CPA3: variants seen among roughly 807,000 people sequenced by gnomAD.
CPA3 encodes carboxypeptidase A3.
A neutral mutation model predicts 55.8 loss-of-function variants in CPA3; 52 were observed. The observed-to-expected ratio is 0.93, with a 90% CI of 0.75 to 1.17. The LOEUF (loss-of-function observed/expected upper bound fraction) is 1.17, where lower values mean the gene tolerates loss of function less well. Ranked by LOEUF, CPA3 falls within the 50% of genes most tolerant of loss-of-function variation. CPA3 has a pLI of 0.00. For synonymous variants in CPA3, 179 were observed against 171.2 expected (o/e 1.05, Z -0.36); for missense variants, 547 against 509.1 (o/e 1.07, Z -0.72).
At chr3:148,895,490 C>T (rs1226422603) in intron 10 of CPA3, among the ~76,000 whole-genome samples, 2 of 152,162 alleles carry the variant, frequency 1.3e-5, no homozygotes, top group Non-Finnish European at 2.9e-5. Context: ...GCATATTCTG[C>T]TCTGCCTCTA....
At chr3:148,881,153 CTCTA>C (rs776573531) in intron 6 of CPA3, among the ~76,000 whole-genome samples, 259 of 152,266 alleles carry the variant, frequency 1.7e-3, no homozygotes, top group Admixed American at 4.9e-3. Context: ...TGCTTACAGA[CTCTA>C]TCTATATTTA....
intron 10 of CPA3, among the ~76,000 whole-genome samples, chr3:148,890,299 C>T (rs1291901777): frequency 2.0e-5 from 3 of 152,136 alleles, no homozygotes; most frequent in Non-Finnish European, 4.4e-5. Context: ...ACCTAGTGAG[C>T]AAGAATAGTT....
At position 148,883,764 on chromosome 3, in the gene CPA3, A is replaced by G; in HGVS notation, c.930A>G (p.Leu310=). The part of the protein sequence containing the change: ...YITFHSYSQM[L]LFPYGYTSKL... ...CCTTCCATTCCTACTCCCAGATGCT[A>G]TTGTTTCCCTATGGATATACATCAA... Residue 310 remains leucine, a synonymous_variant, in exon 9 of 11, where the codon CTA becomes CTG. Transcript: ENST00000296046. 6.2e-7 allele frequency: 1 copy of G among 1,614,058 alleles called. No homozygotes were observed. Among genetic ancestry groups the G allele is most frequent in the African/African-American group, 1.3e-5 (1 of 75,030 alleles).
At chr3:148,869,103 G>C (rs1713990048) in intron 3 of CPA3, 64 bp downstream of exon 3, 1 of 1,580,328 alleles carries the variant, frequency 6.3e-7, no homozygotes, top group Non-Finnish European at 8.6e-7. Flanking sequence ...TTGAAGTAGA[G>C]GAAAGTATTA....
At chr3:148,881,040 G>C (rs564675751) in intron 6 of CPA3, among the ~76,000 whole-genome samples, 3 of 151,974 alleles carry the variant, frequency 2.0e-5, no homozygotes, top group Admixed American at 6.6e-5. Flanking sequence ...AAAAAAAAAA[G>C]TTGTTCAATC....
rs754347389 is a variant in CPA3, at chr3:148,886,167, A to ATCAACT, written c.1061_1062insTTCAAC (p.Ser353_Thr354dup). On this transcript the variant is annotated inframe_insertion, in exon 10 of 11. Transcript: ENST00000296046. ...CCCGCTACATCTATGGCCCAATAGA[A>ATCAACT]TCAACAATTTGTAAGTCATTCCTCT... The ATCAACT allele has an allele frequency of 6.2e-7, 1 of 1,608,174 alleles. No individual in the cohort carries two copies. The highest frequency in any genetic ancestry group is 1.1e-5 in the South Asian group (1 of 90,316).
intron 9 of CPA3, among the ~76,000 whole-genome samples, chr3:148,885,777 A>C (rs1296134595): frequency 2.0e-5 from 3 of 152,166 alleles, no homozygotes; most frequent in Admixed American, 1.3e-4. Flanking sequence ...TTTTATTTTG[A>C]TCTTCAAATG....
At position 148,886,191 on chromosome 3, in the gene CPA3, C is replaced by T. The variant is rs1457494848; in HGVS notation, c.1066+14C>T. The T allele has an allele frequency of 3.9e-6, 6 of 1,547,510 alleles. No homozygotes were observed. Among genetic ancestry groups the T allele is most frequent in the Non-Finnish European group, 5.3e-6 (6 of 1,124,756 alleles). On this transcript the variant is annotated intron_variant, in intron 10 of 10. Transcript: ENST00000296046. ...AATCAACAATTTGTAAGTCATTCCT[C>T]TTATTTACTGAGCCCTTTTCCCTAA...
chr3:148,897,106 A>G lies in CPA3; in HGVS notation c.*399A>G, dbSNP rs920892676. 1 of 156,090 alleles carries G rather than the reference A, an allele frequency of 6.4e-6. No homozygotes were observed. The highest frequency in any genetic ancestry group is 2.4e-5 in the African/African-American group (1 of 41,610). The allele number at this position is 156,090 out of a possible 1,614,324, so 9.7% of individuals were successfully genotyped here. On this transcript the variant is annotated 3_prime_UTR_variant, in exon 11 of 11. Coordinates refer to ENST00000296046, the MANE Select transcript of CPA3 (RefSeq NM_001870.4). ...TTTAAAATTCATCTTTTTATGATAA[A>G]CTATATTCTCTGTATTTCTCTATAG...
intron 10 of CPA3, 40 bp from the exon 11 acceptor site, chr3:148,896,480 A>G (rs1714831474): frequency 2.1e-6 from 3 of 1,448,300 alleles, no homozygotes; most frequent in Admixed American, 2.1e-5. Context: ...AAACATTAGC[A>G]TTTGTCTCTA....
rs1223480779 is a variant in CPA3 at position 148,883,598 on chromosome 3, C to G, written c.779-15C>G. Reference sequence around the variant, plus strand: ...GGGAGCAGACTGTGGTCTCATCCACCTATGTCTTCTGCAGCCATTCCTAAC... The same window carrying G: ...GGGAGCAGACTGTGGTCTCATCCACGTATGTCTTCTGCAGCCATTCCTAAC... On this transcript the variant is annotated splice_polypyrimidine_tract_variant and intron_variant, in intron 8 of 10. Coordinates refer to ENST00000296046, the MANE Select transcript of CPA3 (RefSeq NM_001870.4). 1.2e-6 allele frequency: 2 copies of G among 1,609,956 alleles called. No homozygotes were observed. Among genetic ancestry groups the G allele is most frequent in the Non-Finnish European group, 1.7e-6 (2 of 1,177,172 alleles).
chr3:148,865,732 A>G (rs1334227426), intron 2 of CPA3, among the ~76,000 whole-genome samples, 184 bp downstream of exon 2: 1 of 152,170 alleles, frequency 6.6e-6, no homozygotes, highest in Non-Finnish European at 1.5e-5. Context: ...CTTGGTTTCC[A>G]AGACTACCAC....
chr3:148,866,258 C>G (rs544028306), intron 2 of CPA3, among the ~76,000 whole-genome samples: 13 of 152,328 alleles, frequency 8.5e-5, no homozygotes, highest in African/African-American at 2.9e-4. Flanking sequence ...GTCAAACATA[C>G]AGTTACCTCT....
intron 5 of CPA3, 100 bp from the exon 6 acceptor site, chr3:148,879,665 TGGTTCTCATTCAACAATAGACAG>T (rs2108033998): frequency 1.5e-6 from 1 of 661,052 alleles, no homozygotes; most frequent in East Asian, 2.8e-5. Flanking sequence ...TGTGCATACA[TGGTTCTCATTCAACAATAGACAG>T]GGGAAATAAT....
At chr3:148,884,261 C>T (rs1468673541) in intron 9 of CPA3, among the ~76,000 whole-genome samples, 1 of 152,020 alleles carries the variant, frequency 6.6e-6, no homozygotes, top group African/African-American at 2.4e-5. Flanking sequence ...CTTTTACAAT[C>T]CAAAGAAGAT....
intron 3 of CPA3, among the ~76,000 whole-genome samples, chr3:148,869,515 T>A (rs1275654581): frequency 6.7e-6 from 1 of 149,976 alleles, no homozygotes; most frequent in Non-Finnish European, 1.5e-5. Context: ...GTCATTGGTA[T>A]GTCAGAAGTA....
Position 148,865,484 on chromosome 3 carries a change from T to C in CPA3, c.80T>C (p.Phe27Ser). 2 of 1,614,036 alleles carry C rather than the reference T, an allele frequency of 1.2e-6. No homozygotes were observed. The highest frequency in any genetic ancestry group is 1.1e-5 in the South Asian group (1 of 91,058). The change falls in exon 2 of 11, where the codon TTC becomes TCC. Residue 27 changes from phenylalanine (F) to serine (S), a missense_variant. Phe to Ser is a radical substitution (Grantham distance 155). Transcript: ENST00000296046. ...TTGCCTCCACAAAGGGAGAAGGTGT[T>C]CCGCGTGAAGCCCCAGGATGAAAAA... is the stretch of plus-strand genomic sequence containing the variant. Reference protein sequence around the residue: ...APVRFDREKVFRVKPQDEKQA... With the variant: ...APVRFDREKVSRVKPQDEKQA...
chr3:148,874,342 TA>T (rs1237349523), intron 3 of CPA3, among the ~76,000 whole-genome samples: 1 of 152,210 alleles, frequency 6.6e-6, no homozygotes, highest in Non-Finnish European at 1.5e-5. Flanking sequence ...TCTGGGACCA[TA>T]AAATTTCTCT....
chr3:148,885,387 A>C (rs1220759033), intron 9 of CPA3, among the ~76,000 whole-genome samples: 4 of 151,022 alleles, frequency 2.6e-5, no homozygotes, highest in Non-Finnish European at 5.9e-5. Context: ...ACTGTATATA[A>C]TCGACTGCAT....
Sources: allele counts gnomAD v4.1 joint callset (sites outside exome capture counted in the v4.1 genomes callset), GRCh38; gene constraint gnomAD v4.1.1; transcripts MANE v1.5; gene names NCBI Gene and HGNC (gene_info 2026-07-23, HGNC 2026-07-21).